Variants in PAPPA observed in about 807,000 individuals in gnomAD.
The protein encoded by PAPPA is pappalysin-1.
In PAPPA, 60 loss-of-function variants were observed where a neutral mutation model predicts 164.0. The observed-to-expected ratio is 0.37, with a 90% CI of 0.30 to 0.45. The LOEUF is 0.45. Among genes scored for constraint, PAPPA ranks in the 20% least tolerant of loss-of-function variants. The pLI, the probability that PAPPA is intolerant of heterozygous loss-of-function variation, is 1.00. For missense variants in PAPPA, 1,782 were observed against 2,087.3 expected (o/e 0.85, Z 2.85); for synonymous variants, 875 against 814.1 (o/e 1.07, Z -1.27).
intron 7 of PAPPA, among the ~76,000 whole-genome samples, chr9:116,256,479 C>T (rs1844929175): frequency 6.6e-6 from 1 of 151,832 alleles, no homozygotes. Flanking sequence ...TAGAGCTTCT[C>T]TAGTCAGATT....
intron 2 of PAPPA, among the ~76,000 whole-genome samples, chr9:116,192,664 A>G (rs975624784): frequency 5.3e-5 from 8 of 152,176 alleles, no homozygotes; most frequent in Non-Finnish European, 8.8e-5. Flanking sequence ...TGAGCAGTAA[A>G]TGCCTTTCTA....
chr9:116,291,201 G>C (rs1845431388), intron 9 of PAPPA, among the ~76,000 whole-genome samples: 1 of 152,052 alleles, frequency 6.6e-6, no homozygotes, highest in Admixed American at 6.6e-5. Flanking sequence ...CAATTCATAA[G>C]ACTGTCAAAT....
intron 10 of PAPPA, among the ~76,000 whole-genome samples, chr9:116,321,951 C>T (rs994184386): frequency 1.3e-5 from 2 of 152,208 alleles, no homozygotes; most frequent in Non-Finnish European, 2.9e-5. Context: ...AAGAAGAGAA[C>T]AGACTTTGCG....
intron 10 of PAPPA, among the ~76,000 whole-genome samples, chr9:116,310,215 G>A (rs998709461): frequency 2.0e-5 from 3 of 152,150 alleles, no homozygotes; most frequent in South Asian, 2.1e-4. Flanking sequence ...GCCTGCTATG[G>A]CCTTCACCAA....
chr9:116,229,274 C>T (rs916406783), intron 6 of PAPPA, among the ~76,000 whole-genome samples: 13 of 152,212 alleles, frequency 8.5e-5, no homozygotes, highest in East Asian at 1.9e-4. Flanking sequence ...TTCCTGGAGA[C>T]GTTTATAGGG....
At chr9:116,254,292 A>G (rs1300151591) in intron 7 of PAPPA, among the ~76,000 whole-genome samples, 1 of 152,194 alleles carries the variant, frequency 6.6e-6, no homozygotes, top group African/African-American at 2.4e-5. Context: ...GTGTAAGCAT[A>G]CCTAAAACAA....
At chr9:116,228,033 T>C (rs1344324659) in intron 6 of PAPPA, among the ~76,000 whole-genome samples, 2 of 152,190 alleles carry the variant, frequency 1.3e-5, no homozygotes, top group Non-Finnish European at 2.9e-5. Context: ...TACCCTCTTT[T>C]TGGGATCTAT....
At chr9:116,250,011 ATATGTGTGTGTGTG>A (rs1473773916) in intron 7 of PAPPA, among the ~76,000 whole-genome samples, 3 of 129,406 alleles carry the variant, frequency 2.3e-5, no homozygotes, top group African/African-American at 8.7e-5. Context: ...GAGTACCTGC[ATATGTGTGTGTGTG>A]TGTGTGTGTG....
At chr9:116,343,917 C>A (rs189358265) in intron 13 of PAPPA, among the ~76,000 whole-genome samples, 1 of 152,078 alleles carries the variant, frequency 6.6e-6, no homozygotes, top group African/African-American at 2.4e-5. Flanking sequence ...CCTGCCACCA[C>A]GCCCAGCTAA....
chr9:116,211,847 C>T lies in PAPPA; in HGVS notation c.1833C>T (p.Ser611=). Residue 611 remains serine (S), a synonymous_variant, in exon 4 of 22, where the codon TCC becomes TCT. Coordinates refer to ENST00000328252, the MANE Select transcript of PAPPA (RefSeq NM_002581.5). ...NDTNPAPKHK[S]CGDPGPGNDT... ...CCAACCCAGCCCCTAAACACAAGTC[C>T]TGTGGTGACCCAGGGCCAGGAAATG... 1.2e-6 allele frequency: 2 copies of T among 1,614,114 alleles called. No individual in the cohort carries two copies. The highest frequency in any genetic ancestry group is 1.7e-6 in the Non-Finnish European group (2 of 1,179,990).
intron 7 of PAPPA, among the ~76,000 whole-genome samples, chr9:116,252,430 C>T (rs565888954): frequency 1.3e-5 from 2 of 151,608 alleles, no homozygotes; most frequent in East Asian, 1.9e-4. Context: ...GCCATTTTCC[C>T]AAAGATTTTT....
intron 1 of PAPPA, among the ~76,000 whole-genome samples, chr9:116,179,316 G>A (rs1200127473): frequency 6.6e-6 from 1 of 152,138 alleles, no homozygotes; most frequent in Non-Finnish European, 1.5e-5. Context: ...GCCATCAAGG[G>A]TGTTCATTCT....
chr9:116,327,909 C>G (rs890915823), intron 10 of PAPPA, among the ~76,000 whole-genome samples: 3 of 152,202 alleles, frequency 2.0e-5, no homozygotes, highest in Non-Finnish European at 4.4e-5. Flanking sequence ...TTTGTTCATT[C>G]TTCTCTGATT....
intron 6 of PAPPA, among the ~76,000 whole-genome samples, chr9:116,228,037 G>C (rs1844537026): frequency 6.6e-6 from 1 of 151,904 alleles, no homozygotes; most frequent in Admixed American, 6.6e-5. Flanking sequence ...CTCTTTTTGG[G>C]ATCTATTTAC....
At chr9:116,171,162 G>C (rs1843771572) in intron 1 of PAPPA, among the ~76,000 whole-genome samples, 1 of 152,146 alleles carries the variant, frequency 6.6e-6, no homozygotes, top group Non-Finnish European at 1.5e-5. Context: ...CTTTGGGAAA[G>C]GGCAGGCTTA....
chr9:116,331,592 G>A (rs1028909331), intron 11 of PAPPA, among the ~76,000 whole-genome samples: 1 of 152,174 alleles, frequency 6.6e-6, no homozygotes, highest in African/African-American at 2.4e-5. Context: ...TGTCTGCCTG[G>A]AACCTCCTAT....
At chr9:116,307,810 A>G (rs1845666380) in intron 10 of PAPPA, among the ~76,000 whole-genome samples, 1 of 152,166 alleles carries the variant, frequency 6.6e-6, no homozygotes, top group African/African-American at 2.4e-5. Flanking sequence ...CCATTCTGAC[A>G]TGGAAACCTT....
At chr9:116,264,307 C>T (rs895103139) in intron 7 of PAPPA, among the ~76,000 whole-genome samples, 3 of 152,178 alleles carry the variant, frequency 2.0e-5, no homozygotes, top group Non-Finnish European at 4.4e-5. Flanking sequence ...AACCATCACT[C>T]ATGCATAAAA....
intron 19 of PAPPA, among the ~76,000 whole-genome samples, chr9:116,368,098 AGTCT>A (rs1249267761): frequency 6.6e-6 from 1 of 152,184 alleles, no homozygotes; most frequent in Non-Finnish European, 1.5e-5. Flanking sequence ...TTCAGACCTG[AGTCT>A]GTCTGGCTGG....
Sources: gnomAD v4.1 joint callset for allele counts (sites outside exome capture counted in the v4.1 genomes callset) on GRCh38, gnomAD v4.1.1 for gene constraint, MANE v1.5 for transcripts, NCBI Gene and HGNC (gene_info 2026-07-23, HGNC 2026-07-21) for gene names.